The following PRKG1 variants were observed in gnomAD, a reference collection of about 807,000 sequenced individuals.
The protein encoded by PRKG1 is protein kinase cGMP-dependent 1, also known as cGMP-dependent protein kinase 1.
In PRKG1, 35 loss-of-function variants were observed where a neutral mutation model predicts 88.1. That is an observed-to-expected ratio of 0.40 (90% CI 0.30 to 0.53). The LOEUF (loss-of-function observed/expected upper bound fraction) is 0.53. Ranked by LOEUF, PRKG1 falls within the 20% of genes least tolerant of loss-of-function variation. PRKG1 has a pLI of 0.59. For missense variants in PRKG1, 540 were observed against 839.8 expected (o/e 0.64, Z 4.41); for synonymous variants, 303 against 292.5 (o/e 1.04, Z -0.37).
chr10:51,545,341 C>A (rs1259564894), intron 3 of PRKG1, among the ~76,000 whole-genome samples: 1 of 152,124 alleles, frequency 6.6e-6, no homozygotes, highest in African/African-American at 2.4e-5. Flanking sequence ...CCATGTGTTA[C>A]TATACCTTGG....
chr10:51,563,916 C>T (rs1837534041), intron 3 of PRKG1, among the ~76,000 whole-genome samples: 1 of 152,000 alleles, frequency 6.6e-6, no homozygotes, highest in African/African-American at 2.4e-5. Context: ...GATAAAGACC[C>T]AGATACATGA....
chr10:51,511,835 T>C (rs1399277575), intron 3 of PRKG1, among the ~76,000 whole-genome samples: 1 of 152,184 alleles, frequency 6.6e-6, no homozygotes, highest in Admixed American at 6.5e-5. Flanking sequence ...GTCAAGAATA[T>C]TCAAAGCATA....
At chr10:51,848,246 C>G (rs1393332495) in intron 4 of PRKG1, among the ~76,000 whole-genome samples, 1 of 151,982 alleles carries the variant, frequency 6.6e-6, no homozygotes, top group Non-Finnish European at 1.5e-5. Context: ...TAGTGAGACT[C>G]AAATTGAAAT....
At chr10:51,158,863 G>C (rs1169689235) in intron 2 of PRKG1, among the ~76,000 whole-genome samples, 1 of 151,852 alleles carries the variant, frequency 6.6e-6, no homozygotes, top group Non-Finnish European at 1.5e-5. Flanking sequence ...TTACACAAAT[G>C]ACTCTTTTAA....
chr10:52,184,173 A>G (rs1230019926), intron 9 of PRKG1, among the ~76,000 whole-genome samples: 1 of 152,220 alleles, frequency 6.6e-6, no homozygotes, highest in African/African-American at 2.4e-5. Context: ...TTAAAATGTT[A>G]CTATTCAAGA....
intron 4 of PRKG1, among the ~76,000 whole-genome samples, chr10:51,820,424 A>G (rs563742476): frequency 6.6e-6 from 1 of 152,340 alleles, no homozygotes; most frequent in African/African-American, 2.4e-5. Context: ...GAAAGACAAC[A>G]TAACCTCAAT....
At chr10:51,410,563 C>T (rs1838056749) in intron 2 of PRKG1, among the ~76,000 whole-genome samples, 2 of 152,036 alleles carry the variant, frequency 1.3e-5, no homozygotes, top group Admixed American at 1.3e-4. Flanking sequence ...CTTCCCAGAC[C>T]ACTGACTCAA....
rs549439690 is a variant in PRKG1, at chr10:51,483,388, A to T, written c.592+15552A>T. ...TTTCCATTTAATGCCTTCCGTGTAA[A>T]ATTTCTTTTTACTCCATCTTTGACT... On this transcript the variant is annotated intron_variant, in intron 3 of 17. Coordinates refer to ENST00000373980, the MANE Select transcript of PRKG1 (RefSeq NM_006258.4). 5.1e-4 allele frequency among the ~76,000 whole-genome samples: 77 copies of T among 152,058 alleles called. 2 individuals carry two copies. The South Asian group carries it at 0.015, about 30-fold the overall frequency.
At chr10:52,221,055 C>G (rs1027852577) in intron 9 of PRKG1, among the ~76,000 whole-genome samples, 1 of 146,354 alleles carries the variant, frequency 6.8e-6, no homozygotes, top group Non-Finnish European at 1.5e-5. Flanking sequence ...CAACCCCACC[C>G]GCATCTGTTA....
intron 1 of PRKG1, among the ~76,000 whole-genome samples, chr10:51,114,181 G>A (rs1845050424): frequency 6.6e-6 from 1 of 151,924 alleles, no homozygotes; most frequent in African/African-American, 2.4e-5. Flanking sequence ...ATACTACATT[G>A]CTCCTATACG....
At chr10:51,594,084 G>T (rs1839786921) in intron 3 of PRKG1, among the ~76,000 whole-genome samples, 1 of 151,892 alleles carries the variant, frequency 6.6e-6, no homozygotes, top group African/African-American at 2.4e-5. Context: ...TGAGACAGTA[G>T]TGTAATCATA....
chr10:51,431,931 A>G (rs1326305656), intron 2 of PRKG1, among the ~76,000 whole-genome samples: 1 of 152,210 alleles, frequency 6.6e-6, no homozygotes. Context: ...GGAAAAATAT[A>G]GCCATTTTTA....
chr10:51,267,731 C>T (rs1839873040), intron 2 of PRKG1, among the ~76,000 whole-genome samples: 1 of 152,136 alleles, frequency 6.6e-6, no homozygotes, highest in South Asian at 2.1e-4. Flanking sequence ...CGGGAAAACT[C>T]TTCTAATTGG....
rs115261274 is a variant in PRKG1, at chr10:51,003,204, C to T, written c.266+11560C>T. 7.9e-3 allele frequency among the ~76,000 whole-genome samples: 807 copies of T among 101,950 alleles called. 9 individuals carry two copies. The highest frequency in any genetic ancestry group is 0.03 in the African/African-American group (786 of 26,488). The allele number at this position is 101,950 out of a possible 152,430, so 66.9% of individuals were successfully genotyped here. ...ACAACAACAACAACAACAACAACAA[C>T]AACAACAGAACACCTAGCCTGCATT... is the stretch of plus-strand genomic sequence containing the variant. On this transcript the variant is annotated intron_variant, in intron 1 of 17. Transcript: ENST00000401604.
chr10:51,208,137 T>C (rs1175522943), intron 2 of PRKG1, among the ~76,000 whole-genome samples: 1 of 152,216 alleles, frequency 6.6e-6, no homozygotes, highest in East Asian at 1.9e-4. Flanking sequence ...TTATTGTTTC[T>C]TCCACTAAAG....
At chr10:51,128,156 G>A (rs1454997267) in intron 1 of PRKG1, among the ~76,000 whole-genome samples, 3 of 151,786 alleles carry the variant, frequency 2.0e-5, no homozygotes, top group Non-Finnish European at 4.4e-5. Context: ...AATGCAAAAA[G>A]GCGATTAACA....
intron 2 of PRKG1, among the ~76,000 whole-genome samples, chr10:51,334,320 A>T (rs1245826059): frequency 2.6e-5 from 4 of 152,140 alleles, no homozygotes; most frequent in African/African-American, 9.7e-5. Context: ...CTCCAAGTAC[A>T]AATCAGATAC....
chr10:51,107,729 T>TG (rs1422364895), intron 1 of PRKG1, among the ~76,000 whole-genome samples: 1 of 134,828 alleles, frequency 7.4e-6, no homozygotes, highest in Non-Finnish European at 1.5e-5. Flanking sequence ...GAGGCTGAGC[T>TG]GGGAGGGTAT....
At chr10:51,639,867 G>A (rs959112757) in intron 3 of PRKG1, among the ~76,000 whole-genome samples, 2 of 152,080 alleles carry the variant, frequency 1.3e-5, no homozygotes, top group African/African-American at 4.8e-5. Flanking sequence ...ATCTTTGGAA[G>A]CATCTAAATT....
Sources: allele counts gnomAD v4.1 joint callset (sites outside exome capture counted in the v4.1 genomes callset), GRCh38; gene constraint gnomAD v4.1.1; transcripts MANE v1.5; gene names NCBI Gene and HGNC (gene_info 2026-07-23, HGNC 2026-07-21).